The following TDG variants were observed in gnomAD, a reference collection of about 807,000 sequenced individuals.
TDG encodes thymine DNA glycosylase.
In TDG, 23 loss-of-function variants were observed where a neutral mutation model predicts 46.1. The ratio of observed to expected loss-of-function variants is 0.50; its 90% confidence interval spans 0.36 to 0.71. The LOEUF is 0.71. Ranked by LOEUF, TDG falls within the 30% of genes least tolerant of loss-of-function variation. The pLI, the probability that TDG is intolerant of heterozygous loss-of-function variation, is 0.00. For missense variants in TDG, 304 were observed against 486.7 expected (o/e 0.62, Z 3.53); for synonymous variants, 115 against 161.3 (o/e 0.71, Z 2.18).
chr12:103,984,472 T>C (rs549182663), intron 7 of TDG, among the ~76,000 whole-genome samples: 63 of 152,256 alleles, frequency 4.1e-4, no homozygotes, highest in African/African-American at 1.5e-3. Flanking sequence ...GCATGCGCTG[T>C]AATCCCAGCT....
At chr12:103,985,796 A>G in intron 9 of TDG, 68 bp downstream of exon 9, 1 of 1,383,552 alleles carries the variant, frequency 7.2e-7, no homozygotes, top group Non-Finnish European at 9.5e-7. Context: ...GAAAATTTTA[A>G]TAGAAGGAGA....
intron 5 of TDG, 87 bp from the exon 6 acceptor site, chr12:103,983,049 T>C (rs1871937052): frequency 6.4e-7 from 1 of 1,557,734 alleles, no homozygotes; most frequent in Non-Finnish European, 8.7e-7. Context: ...ATGTACAATA[T>C]GCTCTTTCAT....
intron 7 of TDG, among the ~76,000 whole-genome samples, chr12:103,983,725 A>G (rs1315845239): frequency 6.6e-6 from 1 of 152,222 alleles, no homozygotes; most frequent in Admixed American, 6.5e-5. Context: ...CTGTTGTGAA[A>G]CAAACATGGA....
In TDG at chr12:103,985,741, C is replaced by A; in HGVS notation, c.1090+13C>A. 1 of 825,310 alleles carries A rather than the reference C, an allele frequency of 1.2e-6. No individual in the cohort carries two copies. The highest frequency in any genetic ancestry group is 6.1e-5 in the Admixed American group (1 of 16,504). The allele number at this position is 825,310 out of a possible 1,614,324, so 51.1% of individuals were successfully genotyped here. A position where few individuals can be genotyped will look rare whatever the true frequency, so the allele number is the denominator to read the frequency against. ...TCAAATGGGCTAAGTATGGTTCCCT[C>A]CACATGTGTATTCCTTTCAAAGACG... On this transcript the variant is annotated intron_variant, in intron 9 of 9. Coordinates refer to ENST00000392872, the MANE Select transcript of TDG (RefSeq NM_003211.6).
At chr12:103,973,762 T>C (rs1871383515) in intron 1 of TDG, among the ~76,000 whole-genome samples, 1 of 152,238 alleles carries the variant, frequency 6.6e-6, no homozygotes, top group Admixed American at 6.5e-5. Flanking sequence ...ATATTTTCCC[T>C]TATGTGTAGC....
intron 3 of TDG, 111 bp downstream of exon 3, chr12:103,980,183 C>A: frequency 6.8e-6 from 10 of 1,465,238 alleles, no homozygotes; most frequent in East Asian, 2.3e-5. Context: ...TCTAAGAATC[C>A]TTTTGGTGGT....
At chr12:103,982,687 C>A in intron 4 of TDG, 112 bp from the exon 5 acceptor site, 2 of 1,060,606 alleles carry the variant, frequency 1.9e-6, no homozygotes, top group Non-Finnish European at 2.7e-6. Context: ...ATTGCTTGAG[C>A]CTCGGTGGTC....
In TDG at chr12:103,987,281, T is replaced by A; in HGVS notation, c.*191T>A. 1.5e-6 allele frequency: 1 copy of A among 679,402 alleles called. No individual in the cohort carries two copies. The highest frequency in any genetic ancestry group is 2.3e-6 in the Non-Finnish European group (1 of 439,102). The allele number at this position is 679,402 out of a possible 1,614,324, so 42.1% of individuals were successfully genotyped here. On this transcript the variant is annotated 3_prime_UTR_variant, in exon 10 of 10. Transcript: ENST00000392872. ...TTTGGAAGAAAAAGTAGGGTTTTTG[T>A]ATACTAGCTTTTGTATTTGAATTAA...
rs1353157898 is a variant in TDG at position 103,966,070 on chromosome 12, G to C, written c.23+10G>C. 7 of 1,562,822 alleles carry C rather than the reference G, an allele frequency of 4.5e-6. No individual in the cohort carries two copies. Among genetic ancestry groups the C allele is most frequent in the Non-Finnish European group, 6.1e-6 (7 of 1,154,670 alleles). ...CGGAGAACGCGGGCAGGTAATACCGGGGCCAGCGCCGCCCCTCCCTTGCGC... is the reference window on the plus strand; with the variant it reads ...CGGAGAACGCGGGCAGGTAATACCGCGGCCAGCGCCGCCCCTCCCTTGCGC... On this transcript the variant is annotated intron_variant, in intron 1 of 9. Coordinates refer to ENST00000392872, the MANE Select transcript of TDG (RefSeq NM_003211.6).
chr12:103,973,014 G>T, intron 1 of TDG: 1 of 698,550 alleles, frequency 1.4e-6, no homozygotes, highest in Non-Finnish European at 2.6e-6. Flanking sequence ...GAGAGTAGTA[G>T]TAAGAAACAT....
At chr12:103,981,070 C>T in intron 4 of TDG, 108 bp downstream of exon 4, 1 of 913,990 alleles carries the variant, frequency 1.1e-6, no homozygotes, top group African/African-American at 1.7e-5. Context: ...ACTGTAAATA[C>T]ACATTCGTGT....
In TDG at chr12:103,980,975, C is replaced by T; in HGVS notation, c.478+13C>T. The T allele has an allele frequency of 1.9e-6, 3 of 1,600,954 alleles. No homozygotes were observed. Among genetic ancestry groups the T allele is most frequent in the Middle Eastern group, 1.9e-4 (1 of 5,176 alleles). ...GGAAACCATTTTTGTAAGTGGTTAC[C>T]TTTTAAATTAATTTACTTTTAAATT... On this transcript the variant is annotated intron_variant, in intron 4 of 9. Transcript: ENST00000392872.
rs755750196 is a variant in TDG, at chr12:103,982,763, T to A, written c.479-36T>A. ...CTGGGTGACAGAGCGAGACCCTGTC[T>A]AAAAAAAAATAAATAACTGAATTTT... On this transcript the variant is annotated intron_variant, in intron 4 of 9. Transcript: ENST00000392872. 1.9e-6 allele frequency: 3 copies of A among 1,562,212 alleles called. No homozygotes were observed. The East Asian group carries it at 6.9e-5, about 36-fold the overall frequency.
In TDG at chr12:103,976,904, CATT is replaced by C. The variant is rs746655613; in HGVS notation, c.24-10_24-8del. On this transcript the variant is annotated splice_polypyrimidine_tract_variant and intron_variant, in intron 1 of 9. Transcript: ENST00000392872. ...AATTTTATCATTACATCTCATGCTTCATTATTCTTTCAGCTATTCCCTTCAGCA... is the reference window on the plus strand; with the variant it reads ...AATTTTATCATTACATCTCATGCTTCATTCTTTCAGCTATTCCCTTCAGCA... 1.9e-5 allele frequency: 30 copies of C among 1,611,816 alleles called. No individual in the cohort carries two copies. The highest frequency in any genetic ancestry group is 4.0e-5 in the African/African-American group (3 of 74,806).
At chr12:103,980,372 A>G (rs1228219195) in intron 3 of TDG, 1 of 327,800 alleles carries the variant, frequency 3.1e-6, no homozygotes, top group Non-Finnish European at 5.6e-6. Context: ...ACCCCCCGAT[A>G]GGGTTGCAAG....
At position 103,980,087 on chromosome 12, in the gene TDG, C is replaced by T; in HGVS notation, c.408+15C>T. On this transcript the variant is annotated intron_variant, in intron 3 of 9. Coordinates refer to ENST00000392872, the MANE Select transcript of TDG (RefSeq NM_003211.6). ...ACATTGTCATTGTAAGATCTTTGTC[C>T]TCGTTGGATTTTATAAGTAGTATTG... is the stretch of plus-strand genomic sequence containing the variant. 1 of 1,611,218 alleles carries T rather than the reference C, an allele frequency of 6.2e-7. No individual in the cohort carries two copies. Among genetic ancestry groups the T allele is most frequent in the Non-Finnish European group, 8.5e-7 (1 of 1,179,192 alleles).
At position 103,978,056 on chromosome 12, in the gene TDG, G is replaced by T. The variant is rs1199123770; in HGVS notation, c.166+996G>T. ...CAGCTGGGCAATAGTGCGAGACTCT[G>T]TCTCAAAAACAAAAACAAAAACAAA... On this transcript the variant is annotated intron_variant, in intron 2 of 9. Coordinates refer to ENST00000392872, the MANE Select transcript of TDG (RefSeq NM_003211.6). 2.0e-5 allele frequency among the ~76,000 whole-genome samples: 3 copies of T among 146,900 alleles called. 1 individual carries two copies. Among genetic ancestry groups the T allele is most frequent in the African/African-American group, 7.7e-5 (3 of 39,190 alleles).
chr12:103,969,122 A>G lies in TDG; in HGVS notation c.23+3062A>G, dbSNP rs79320801. On this transcript the variant is annotated intron_variant, in intron 1 of 9. Transcript: ENST00000392872. ...TAGTCATTATTATAGCAAATTTATT[A>G]TATACCAGGTACTGTTTTGGATGTT... Among the ~76,000 whole-genome samples the G allele has an allele frequency of 8.2e-3, 1,244 of 152,342 alleles. 20 individuals are homozygous for G. The highest frequency in any genetic ancestry group is 0.027 in the African/African-American group (1,135 of 41,566).
At chr12:103,985,166 TACACACACACACACACACACAC>T (rs375705839) in intron 8 of TDG, among the ~76,000 whole-genome samples, 33 of 138,564 alleles carry the variant, frequency 2.4e-4, no homozygotes, top group African/African-American at 5.5e-4. Context: ...TATAGACACA[TACACACACACACACACACACAC>T]ACACACACAC....
Sources: gnomAD v4.1 joint callset for allele counts (sites outside exome capture counted in the v4.1 genomes callset) on GRCh38, gnomAD v4.1.1 for gene constraint, MANE v1.5 for transcripts, NCBI Gene and HGNC (gene_info 2026-07-23, HGNC 2026-07-21) for gene names.